Variants in WDR20 observed in about 807,000 individuals in gnomAD.
WDR20 encodes WD repeat-containing protein 20.
Under a neutral mutation model 38.7 loss-of-function variants are expected in WDR20, and 3 were observed. That is an observed-to-expected ratio of 0.08 (90% CI 0.04 to 0.20). The LOEUF is 0.20. Ranked by LOEUF, WDR20 falls within the 10% of genes least tolerant of loss-of-function variation. WDR20 has a pLI of 1.00. For missense variants in WDR20, 559 were observed against 727.7 expected, an observed-to-expected ratio of 0.77 and a Z score of 2.67; for synonymous variants, 298 against 285.6, an observed-to-expected ratio of 1.04 and a Z score of -0.44.
chr14:102,218,459 T>C (rs990358846), downstream of WDR20, among the ~76,000 whole-genome samples: 3 of 152,216 alleles, frequency 2.0e-5, no homozygotes, highest in African/African-American at 4.8e-5. Flanking sequence ...GCCCTCACAG[T>C]CCTATCTGGC....
chr14:102,183,551 T>C (rs2063871737), intron 1 of WDR20, among the ~76,000 whole-genome samples: 1 of 152,220 alleles, frequency 6.6e-6, no homozygotes, highest in African/African-American at 2.4e-5. Flanking sequence ...TAGCTGACGC[T>C]GGGTGATTGA....
chr14:102,139,797 C>G, upstream of WDR20: 2 of 1,419,162 alleles, frequency 1.4e-6, no homozygotes, highest in Non-Finnish European at 1.9e-6. Context: ...CCTCGCAGGG[C>G]TGGCCCGCGG....
At chr14:102,211,512 G>T (rs956327129), downstream of WDR20, among the ~76,000 whole-genome samples, 1 of 152,194 alleles carries the variant, frequency 6.6e-6, no homozygotes, top group African/African-American at 2.4e-5. This position sits in a 1 kb window ranked among gnomAD's most constrained non-coding sequence, Gnocchi z 4.2. Flanking sequence ...GCATGGCCGC[G>T]TGCTGCCACC....
chr14:102,139,767 A>T, upstream of WDR20: 1 of 1,138,672 alleles, frequency 8.8e-7, no homozygotes, highest in Non-Finnish European at 1.2e-6. Flanking sequence ...AAACAAGCCC[A>T]CCCCTTCCCT....
chr14:102,147,715 G>T (rs76585685), intron 1 of WDR20, among the ~76,000 whole-genome samples: 2,478 of 152,196 alleles, frequency 0.016, 29 homozygotes, highest in African/African-American at 0.035. Context: ...AAAGAACCTT[G>T]TTTTATTTTA....
intron 1 of WDR20, among the ~76,000 whole-genome samples, chr14:102,188,836 G>A (rs533434756): frequency 7.1e-6 from 1 of 140,478 alleles, no homozygotes; most frequent in African/African-American, 2.6e-5. Context: ...TTGCATCACT[G>A]TACTCCAGTC....
At chr14:102,162,249 G>T (rs2058900498) in intron 1 of WDR20, among the ~76,000 whole-genome samples, 1 of 152,132 alleles carries the variant, frequency 6.6e-6, no homozygotes, top group African/African-American at 2.4e-5. Context: ...CACTGGAATT[G>T]GCACATTGAG....
intron 1 of WDR20, among the ~76,000 whole-genome samples, chr14:102,158,954 T>C (rs1245212379): frequency 6.6e-6 from 1 of 152,090 alleles, no homozygotes; most frequent in Non-Finnish European, 1.5e-5. Flanking sequence ...TTTCTTTCTT[T>C]TTTTTTAAGG....
rs765243769 is a variant in WDR20 at position 102,139,928 on chromosome 14, C to A, written c.5C>A (p.Ala2Glu). 1.2e-6 allele frequency: 2 copies of A among 1,611,952 alleles called. No individual in the cohort carries two copies. Among genetic ancestry groups the A allele is most frequent in the African/African-American group, 2.7e-5 (2 of 74,888 alleles). The change falls in exon 1 of 3, where the codon GCG becomes GAG. Residue 2 changes from alanine to glutamate, a missense_variant. By Grantham distance (107) the Ala-to-Glu change is moderately radical (BLOSUM62 -1). Transcript: ENST00000342702. ...GGATGAACGCTGCTTTCCAAGATGG[C>A]GACGGAGGGAGGAGGGAAGGAGATG... is the stretch of plus-strand genomic sequence containing the variant. M[A>E]TEGGGKEMNE...
chr14:102,143,839 G>T (rs187404788), intron 1 of WDR20, among the ~76,000 whole-genome samples: 3 of 150,870 alleles, frequency 2.0e-5, no homozygotes, highest in Non-Finnish European at 4.4e-5. Context: ...CACTGCGCCC[G>T]GCCGTAAACA....
At chr14:102,193,675 C>T (rs6575899) in intron 1 of WDR20, among the ~76,000 whole-genome samples, 53,094 of 152,090 alleles carry the variant, frequency 0.35, 13,096 homozygotes, top group African/African-American at 0.71. Flanking sequence ...CTACTCATTA[C>T]TTATATTTGT....
Position 102,197,880 on chromosome 14 carries a change from C to A in WDR20, c.432+2760C>A, listed in dbSNP as rs1314926903. The A allele has an allele frequency of 4.3e-6, 3 of 692,860 alleles. No homozygotes were observed. In the Admixed American group the frequency reaches 6.2e-5, roughly 14 times the overall value. The allele number at this position is 692,860 out of a possible 1,614,324, so 42.9% of individuals were successfully genotyped here. On this transcript the variant is annotated intron_variant, in intron 2 of 2. Coordinates refer to ENST00000342702, the MANE Select transcript of WDR20 (RefSeq NM_144574.4). ...CTGAGGGCTTGAACTAGAGTTGCGG[C>A]CATTGTTTCATTCATTCAGGACCTT...
At chr14:102,149,612 T>G (rs940211023) in intron 1 of WDR20, among the ~76,000 whole-genome samples, 4 of 152,272 alleles carry the variant, frequency 2.6e-5, no homozygotes, top group Admixed American at 6.5e-5. Flanking sequence ...CACTGCTCTT[T>G]TAGCATTTTT....
intron 2 of WDR20, chr14:102,198,324 G>A: frequency 3.2e-6 from 1 of 313,440 alleles, no homozygotes; most frequent in Non-Finnish European, 6.4e-6. Context: ...CACCATGTTG[G>A]CCAGGCTAGT....
chr14:102,181,651 C>G (rs1218094786), intron 1 of WDR20, among the ~76,000 whole-genome samples: 3 of 152,078 alleles, frequency 2.0e-5, no homozygotes, highest in African/African-American at 7.2e-5. Flanking sequence ...CTGTAGTCTA[C>G]TTCTTTGGGA....
chr14:102,176,509 T>C (rs943572820), intron 1 of WDR20, among the ~76,000 whole-genome samples: 7 of 152,138 alleles, frequency 4.6e-5, no homozygotes, highest in Admixed American at 6.5e-5. Context: ...CTATCCTGGC[T>C]AACATGGTGA....
intron 1 of WDR20, among the ~76,000 whole-genome samples, chr14:102,188,865 C>T (rs1477074789): frequency 5.6e-5 from 7 of 124,964 alleles, no homozygotes; most frequent in African/African-American, 2.3e-4. Flanking sequence ...AGAGCGAGAC[C>T]CTGTTTCAAA....
rs5811061 is a variant in WDR20 at position 102,179,441 on chromosome 14, T to TA, written c.250-15483dup. ...TTTTTTTAAAGTATTTTTTTTTTTC[T>TA]AAAAAAAAAAAAAAGAAAGAAAAAA... On this transcript the variant is annotated intron_variant, in intron 1 of 2. Transcript: ENST00000342702. Among the ~76,000 whole-genome samples, 76 of 136,120 alleles carry TA rather than the reference T, an allele frequency of 5.6e-4. 1 individual carries two copies. Among genetic ancestry groups the TA allele is most frequent in the Middle Eastern group, 7.4e-3 (2 of 270 alleles). 89.3% of individuals were successfully genotyped at this position (136,120 alleles called of 152,430 possible).
chr14:102,189,039 G>A (rs2065627898), intron 1 of WDR20, among the ~76,000 whole-genome samples: 1 of 150,596 alleles, frequency 6.6e-6, no homozygotes, highest in Non-Finnish European at 1.5e-5. Context: ...TTGAAACCCC[G>A]TCTCTACAAA....
Sources: allele counts gnomAD v4.1 joint callset (sites outside exome capture counted in the v4.1 genomes callset), GRCh38; gene constraint gnomAD v4.1.1; non-coding constraint Gnocchi (gnomAD v3.1); transcripts MANE v1.5; gene names NCBI Gene and HGNC (gene_info 2026-07-23, HGNC 2026-07-21).